Variants in EIF1B observed in about 807,000 individuals in gnomAD.
EIF1B encodes the protein eukaryotic translation initiation factor 1B.
A neutral mutation model predicts 14.8 loss-of-function variants in EIF1B; 5 were observed. That is an observed-to-expected ratio of 0.34 (90% CI 0.18 to 0.71). EIF1B has a LOEUF of 0.71. EIF1B is among the 30% of genes least tolerant of loss of function. EIF1B has a pLI of 0.64. For synonymous variants in EIF1B, 45 were observed against 45.8 expected (o/e 0.98, Z 0.07); for missense variants, 56 against 134.0 (o/e 0.42, Z 2.87).
In EIF1B at chr3:40,310,878, T is replaced by A; in HGVS notation, c.32-15T>A. 7 of 1,556,102 alleles carry A rather than the reference T, an allele frequency of 4.5e-6. No homozygotes were observed. Among genetic ancestry groups the A allele is most frequent in the Non-Finnish European group, 6.1e-6 (7 of 1,156,166 alleles). On this transcript the variant is annotated splice_polypyrimidine_tract_variant and intron_variant, in intron 1 of 3. Transcript: ENST00000232905. ...TTCTACTTTGGATTTTTTTTTTTTT[T>A]TTATCCATTCGCAGACCCCTTTGCT...
chr3:40,309,812 T>TA lies in EIF1B; in HGVS notation c.-128dup. 8.5e-7 allele frequency: 1 copy of TA among 1,176,564 alleles called. No homozygotes were observed. The highest frequency in any genetic ancestry group is 1.2e-6 in the Non-Finnish European group (1 of 804,592). 72.9% of individuals were successfully genotyped at this position (1,176,564 alleles called of 1,614,324 possible). On this transcript the variant is annotated 5_prime_UTR_variant, in exon 1 of 4. Coordinates refer to ENST00000232905, the MANE Select transcript of EIF1B (RefSeq NM_005875.3). ...GGCTTCCGCCGCCGCCACTCCAGCC[T>TA]AATCCCAACCCCAGGGCGAAGCGTT...
In EIF1B at chr3:40,312,131, A is replaced by C. The variant is rs940738134; in HGVS notation, c.*117A>C. Reference sequence around the variant, plus strand: ...GACTTTTCATTTATTTAATCATTCAAACTTCCATTCACATCTGCATGATTA... The same window carrying C: ...GACTTTTCATTTATTTAATCATTCACACTTCCATTCACATCTGCATGATTA... On this transcript the variant is annotated 3_prime_UTR_variant, in exon 4 of 4. Transcript: ENST00000232905. The C allele has an allele frequency of 3.9e-6, 3 of 766,842 alleles. No individual in the cohort carries two copies. The Admixed American group carries it at 6.4e-5, about 16-fold the overall frequency. The allele number at this position is 766,842 out of a possible 1,614,324, so 47.5% of individuals were successfully genotyped here.
chr3:40,312,064 C>A lies in EIF1B; in HGVS notation c.*50C>A. ...TTCTTGAATAGTTTTGTTCTCTAAA[C>A]CCGGTTTGGCTGCCTTGTGAAATGA... On this transcript the variant is annotated 3_prime_UTR_variant, in exon 4 of 4. Transcript: ENST00000232905. The A allele has an allele frequency of 1.5e-6, 2 of 1,362,650 alleles. No homozygotes were observed. Among genetic ancestry groups the A allele is most frequent in the Non-Finnish European group, 2.1e-6 (2 of 958,534 alleles). The allele number at this position is 1,362,650 out of a possible 1,614,324, so 84.4% of individuals were successfully genotyped here. A position where few individuals can be genotyped will look rare whatever the true frequency, so the allele number is the denominator to read the frequency against.
intron 1 of EIF1B, 132 bp downstream of exon 1, chr3:40,310,104 C>A: frequency 7.9e-7 from 1 of 1,273,184 alleles, no homozygotes; most frequent in Non-Finnish European, 1.1e-6. Context: ...TCTCGGCGCC[C>A]AGAAAATGGC....
rs1048803802 is a variant in EIF1B, at chr3:40,310,488, G to A, written c.32-405G>A. 1.6e-5 allele frequency: 3 copies of A among 182,646 alleles called. No homozygotes were observed. The Admixed American group carries it at 1.8e-4, about 11-fold the overall frequency. The allele number at this position is 182,646 out of a possible 1,614,324, so 11.3% of individuals were successfully genotyped here. On this transcript the variant is annotated intron_variant, in intron 1 of 3. Transcript: ENST00000232905. ...ATATATGTAATCTACTTTTTTTTTG[G>A]CAAGGCACAGTTACGGTTAAATGAT...
In EIF1B at chr3:40,309,887, T is replaced by C; in HGVS notation, c.-55T>C. On this transcript the variant is annotated 5_prime_UTR_variant, in exon 1 of 4. Transcript: ENST00000232905. ...CCACTACAGCCTCCTGACAAGGTGATCCGGGCGGGCCCCGCAGGAATTTTA... is the reference window on the plus strand; with the variant it reads ...CCACTACAGCCTCCTGACAAGGTGACCCGGGCGGGCCCCGCAGGAATTTTA... The C allele has an allele frequency of 1.3e-6, 2 of 1,597,760 alleles. No homozygotes were observed. Among genetic ancestry groups the C allele is most frequent in the Non-Finnish European group, 1.7e-6 (2 of 1,165,530 alleles).
chr3:40,311,614 T>A, intron 3 of EIF1B, 43 bp downstream of exon 3: 1 of 1,456,376 alleles, frequency 6.9e-7, no homozygotes, highest in Non-Finnish European at 9.6e-7. Context: ...AGATTGCTTT[T>A]AAAATTGTAT....
rs183342852 is a variant in EIF1B, at chr3:40,311,282, C to T, written c.196-188C>T. ...AAATTTAAATGTGAAATATTTAGTT[C>T]TTGATGTTACACATAAAATCATTTC... On this transcript the variant is annotated intron_variant, in intron 2 of 3. Transcript: ENST00000232905. The T allele has an allele frequency of 1.1e-3, 638 of 598,006 alleles. 9 individuals are homozygous for T. In the Admixed American group the frequency reaches 0.019, roughly 18 times the overall value. The allele number at this position is 598,006 out of a possible 1,614,324, so 37.0% of individuals were successfully genotyped here.
intron 2 of EIF1B, 79 bp downstream of exon 2, chr3:40,311,135 G>C: frequency 7.2e-7 from 1 of 1,387,728 alleles, no homozygotes; most frequent in Non-Finnish European, 9.8e-7. Context: ...CTTTATATCG[G>C]CGTGGATGAA....
chr3:40,311,914 TAATG>T (rs1254296902), intron 3 of EIF1B, 52 bp from the exon 4 acceptor site: 38 of 1,298,544 alleles, frequency 2.9e-5, no homozygotes, highest in Non-Finnish European at 4.0e-5. Context: ...CATGTTTTCT[TAATG>T]AATTTTTATA....
chr3:40,311,700 G>T, intron 3 of EIF1B, 129 bp downstream of exon 3: 1 of 794,130 alleles, frequency 1.3e-6, no homozygotes, highest in Non-Finnish European at 2.0e-6. Context: ...ATAAAGACAT[G>T]GTAGTTATTT....
At chr3:40,310,218 G>C (rs754727515) in intron 1 of EIF1B, among the ~76,000 whole-genome samples, 3 of 152,248 alleles carry the variant, frequency 2.0e-5, no homozygotes, top group African/African-American at 4.8e-5. Context: ...CCCCGTCCTT[G>C]ACCCGGCTCT....
chr3:40,311,859 G>A, intron 3 of EIF1B, 111 bp from the exon 4 acceptor site: 1 of 857,148 alleles, frequency 1.2e-6, no homozygotes. Flanking sequence ...ACAGACAACA[G>A]TGTTGCAGTA....
chr3:40,312,018 G>A lies in EIF1B; in HGVS notation c.*4G>A, dbSNP rs200534058. The A allele has an allele frequency of 1.3e-3, 2,148 of 1,605,896 alleles. 3 individuals are homozygous for A. Among genetic ancestry groups the A allele is most frequent in the Middle Eastern group, 2.9e-3 (17 of 5,964 alleles). On this transcript the variant is annotated 3_prime_UTR_variant, in exon 4 of 4. Transcript: ENST00000232905. ...GCTTAAGGTTCATGGATTCTAAAATGAACCTAAATACGTGGAGAATTTCTT... is the reference window on the plus strand; with the variant it reads ...GCTTAAGGTTCATGGATTCTAAAATAAACCTAAATACGTGGAGAATTTCTT...
In EIF1B at chr3:40,309,804, C is replaced by T. The variant is rs1954301959; in HGVS notation, c.-138C>T. 1.9e-6 allele frequency: 2 copies of T among 1,062,320 alleles called. No homozygotes were observed. The highest frequency in any genetic ancestry group is 1.4e-5 in the South Asian group (1 of 71,786). 65.8% of individuals were successfully genotyped at this position (1,062,320 alleles called of 1,614,324 possible). A position where few individuals can be genotyped will look rare whatever the true frequency, so the allele number is the denominator to read the frequency against. ...CTCCTCCCGGCTTCCGCCGCCGCCA[C>T]TCCAGCCTAATCCCAACCCCAGGGC... On this transcript the variant is annotated 5_prime_UTR_variant, in exon 1 of 4. Transcript: ENST00000232905.
intron 3 of EIF1B, 167 bp downstream of exon 3, chr3:40,311,738 T>C (rs1004980940): frequency 1.0e-5 from 7 of 675,150 alleles, no homozygotes; most frequent in Non-Finnish European, 1.8e-5. Flanking sequence ...ATCTGGTTTA[T>C]TTTGTCATTA....
intron 1 of EIF1B, among the ~76,000 whole-genome samples, chr3:40,310,477 C>CTT (rs11456122): frequency 5.9e-4 from 89 of 150,908 alleles, no homozygotes; most frequent in Admixed American, 5.1e-3. Context: ...ATGTAATCTA[C>CTT]TTTTTTTTTG....
At chr3:40,311,936 G>T (rs779545410) in intron 3 of EIF1B, 34 bp from the exon 4 acceptor site, 82 of 533,342 alleles carry the variant, frequency 1.5e-4, no homozygotes, top group Non-Finnish European at 1.9e-4. Context: ...ATATTTCTCA[G>T]AGTTATTTTG....
Position 40,311,465 on chromosome 3 carries a change from TC to T in EIF1B, c.196-3del. 1 of 1,609,918 alleles carries T rather than the reference TC, an allele frequency of 6.2e-7. No individual in the cohort carries two copies. The highest frequency in any genetic ancestry group is 8.5e-7 in the Non-Finnish European group (1 of 1,176,892). On this transcript the variant is annotated splice_region_variant and splice_polypyrimidine_tract_variant and intron_variant, in intron 2 of 3. Transcript: ENST00000232905. The stretch of plus-strand genomic sequence containing the variant: ...ATTTTGTTGTATATTTATGCACTTT[TC>T]CAGAAATTTGCCTGTAATGGTACTG...
Sources: allele counts gnomAD v4.1 joint callset (sites outside exome capture counted in the v4.1 genomes callset), GRCh38; gene constraint gnomAD v4.1.1; transcripts MANE v1.5; gene names NCBI Gene and HGNC (gene_info 2026-07-23, HGNC 2026-07-21).